SORCS3: variants seen among roughly 807,000 people sequenced by gnomAD.
SORCS3 encodes VPS10 domain-containing receptor SorCS3.
SORCS3 carries 57 observed loss-of-function variants against 146.3 expected under a neutral mutation model. The ratio of observed to expected loss-of-function variants is 0.39; its 90% CI spans 0.31 to 0.49. The LOEUF (loss-of-function observed/expected upper bound fraction) is 0.49. Ranked by LOEUF, SORCS3 falls within the 20% of genes least tolerant of loss-of-function variation. The probability of loss-of-function intolerance (pLI) is 0.92; values close to 1 mark genes in which losing one functional copy is unlikely to be tolerated. For synonymous variants in SORCS3, 653 were observed against 618.5 expected, an observed-to-expected ratio of 1.06 and a Z score of -0.83; for missense variants, 1,341 against 1,575.5, an observed-to-expected ratio of 0.85 and a Z score of 2.52.
chr10:104,979,364 C>T (rs1428842078), intron 4 of SORCS3, among the ~76,000 whole-genome samples: 1 of 152,174 alleles, frequency 6.6e-6, no homozygotes, highest in Non-Finnish European at 1.5e-5. Flanking sequence ...CAGAATCGTA[C>T]TACAGTGCTT....
In SORCS3 at chr10:104,641,646, G is replaced by A. The variant is rs1214082670; in HGVS notation, c.319G>A (p.Gly107Arg). Residue 107 changes from glycine (G) to arginine (R), a missense_variant, in exon 1 of 27, where the codon GGG (glycine) becomes AGG (arginine). Coordinates refer to ENST00000369701, the MANE Select transcript of SORCS3 (RefSeq NM_014978.3). This position sits in a 1 kb window ranked among gnomAD's most constrained non-coding sequence, Gnocchi z 6.4. ...RGGEMQVEAG[G>R]TSPAGERRGR... ...CGGTGAGATGCAGGTGGAAGCCGGA[G>A]GGACATCACCGGCAGGCGAGCGGCG... 1 of 1,527,432 alleles carries A rather than the reference G, an allele frequency of 6.5e-7. No individual in the cohort carries two copies. 94.6% of individuals were successfully genotyped at this position (1,527,432 alleles called of 1,614,324 possible). A position where few individuals can be genotyped will look rare whatever the true frequency, so the allele number is the denominator to read the frequency against.
chr10:104,892,477 T>G (rs572777159), intron 2 of SORCS3, among the ~76,000 whole-genome samples: 5 of 152,290 alleles, frequency 3.3e-5, no homozygotes, highest in African/African-American at 1.2e-4. Context: ...ATCCCAGCAC[T>G]TTGGGAGGCT....
chr10:104,908,466 A>C (rs747640383), intron 2 of SORCS3, among the ~76,000 whole-genome samples: 4 of 152,234 alleles, frequency 2.6e-5, no homozygotes, highest in Non-Finnish European at 5.9e-5. Flanking sequence ...ATGCTAAGCT[A>C]GGTATCTTAT....
At chr10:104,908,961 G>A (rs142643720) in intron 2 of SORCS3, among the ~76,000 whole-genome samples, 7 of 152,252 alleles carry the variant, frequency 4.6e-5, no homozygotes, top group Non-Finnish European at 8.8e-5. Context: ...GGATGCTCTA[G>A]GGTATCAGAG....
intron 2 of SORCS3, among the ~76,000 whole-genome samples, chr10:104,854,754 A>G (rs1456568143): frequency 1.3e-5 from 2 of 152,142 alleles, no homozygotes; most frequent in East Asian, 1.9e-4. Context: ...GCAACCACTA[A>G]TCTGTTCTCC....
intron 6 of SORCS3, among the ~76,000 whole-genome samples, chr10:105,092,445 T>C (rs961718968): frequency 1.3e-5 from 2 of 152,188 alleles, no homozygotes; most frequent in Non-Finnish European, 1.5e-5. Flanking sequence ...AAAATAATGC[T>C]TTTTCAATCT....
chr10:104,742,919 T>G (rs2016866178), intron 1 of SORCS3, among the ~76,000 whole-genome samples: 1 of 152,186 alleles, frequency 6.6e-6, no homozygotes, highest in Non-Finnish European at 1.5e-5. Context: ...TATTATTGTT[T>G]ATTACTTAGT....
chr10:104,937,733 A>G (rs1052544380), intron 3 of SORCS3, among the ~76,000 whole-genome samples: 5 of 152,228 alleles, frequency 3.3e-5, no homozygotes, highest in African/African-American at 1.2e-4. Context: ...GAGTGAGTCA[A>G]TTCTTGCTCA....
intron 2 of SORCS3, among the ~76,000 whole-genome samples, chr10:104,877,449 T>G (rs2018587753): frequency 6.6e-6 from 1 of 152,298 alleles, no homozygotes; most frequent in Admixed American, 6.5e-5. Context: ...CTCATGAAGA[T>G]TAAGTGCACA....
intron 5 of SORCS3, among the ~76,000 whole-genome samples, chr10:105,084,629 G>T (rs10884087): frequency 0.22 from 33,514 of 152,106 alleles, 3,880 homozygotes; most frequent in Admixed American, 0.31. Flanking sequence ...TGTTAGGTGA[G>T]GAAGTGCAGT....
chr10:104,706,538 CT>C (rs1177505426), intron 1 of SORCS3, among the ~76,000 whole-genome samples: 1 of 152,126 alleles, frequency 6.6e-6, no homozygotes, highest in Admixed American at 6.5e-5. Flanking sequence ...AGATATACTA[CT>C]GAAAGAAGCT....
chr10:105,161,492 G>A (rs983378529), intron 11 of SORCS3, among the ~76,000 whole-genome samples: 1 of 152,050 alleles, frequency 6.6e-6, no homozygotes, highest in Non-Finnish European at 1.5e-5. Flanking sequence ...CTGAGATGTG[G>A]TCTCAGGGAA....
intron 26 of SORCS3, 83 bp downstream of exon 26, chr10:105,262,574 G>A: frequency 1.4e-6 from 2 of 1,400,520 alleles, no homozygotes; most frequent in Admixed American, 4.0e-5. Context: ...ATACATTACT[G>A]GACTGGAGGG....
chr10:105,047,022 G>A (rs962852215), intron 5 of SORCS3, among the ~76,000 whole-genome samples: 2 of 151,712 alleles, frequency 1.3e-5, no homozygotes, highest in African/African-American at 4.8e-5. Context: ...TGGGGGAAAA[G>A]CTTTTCTGTT....
chr10:104,703,676 A>G (rs1007115923), intron 1 of SORCS3, among the ~76,000 whole-genome samples: 1 of 147,678 alleles, frequency 6.8e-6, no homozygotes, highest in Non-Finnish European at 1.5e-5. Context: ...ACGTATACCT[A>G]TGTAACAAAC....
At chr10:104,899,988 C>T (rs1341639175) in intron 2 of SORCS3, among the ~76,000 whole-genome samples, 3 of 151,950 alleles carry the variant, frequency 2.0e-5, no homozygotes, top group Non-Finnish European at 2.9e-5. Flanking sequence ...AGGTGTCTGC[C>T]CCAGAGCCTC....
intron 20 of SORCS3, among the ~76,000 whole-genome samples, chr10:105,224,619 G>A (rs2056723349): frequency 6.6e-6 from 1 of 152,088 alleles, no homozygotes; most frequent in South Asian, 2.1e-4. Flanking sequence ...ATGATTTCTG[G>A]ATCTTATGGT....
intron 14 of SORCS3, among the ~76,000 whole-genome samples, chr10:105,185,244 C>T (rs1449787961): frequency 6.6e-6 from 1 of 152,194 alleles, no homozygotes; most frequent in African/African-American, 2.4e-5. Flanking sequence ...TTTCTCATTT[C>T]CTTATATTGA....
rs550996486 is a variant in SORCS3 at position 105,135,998 on chromosome 10, G to T, written c.1213-3399G>T. Among the ~76,000 whole-genome samples, 6 of 151,914 alleles carry T rather than the reference G, an allele frequency of 3.9e-5. No individual in the cohort carries two copies. The South Asian group carries it at 8.3e-4, about 21-fold the overall frequency. On this transcript the variant is annotated intron_variant, in intron 7 of 26. Transcript: ENST00000369701. ...AATGCGCTGTTTAATGCAATATAGG[G>T]TTTTTTTTCTAGTATTCACTTCAAA...
Sources: gnomAD v4.1 joint callset for allele counts (sites outside exome capture counted in the v4.1 genomes callset) on GRCh38, gnomAD v4.1.1 for gene constraint, Gnocchi (gnomAD v3.1) non-coding constraint, MANE v1.5 for transcripts, NCBI Gene and HGNC (gene_info 2026-07-23, HGNC 2026-07-21) for gene names.